ZSWIM5: variants seen among roughly 807,000 people sequenced by gnomAD.
The protein encoded by ZSWIM5 is zinc finger SWIM domain-containing protein 5.
Under a neutral mutation model 119.6 loss-of-function variants are expected in ZSWIM5, and 55 were observed. The ratio of observed to expected loss-of-function variants is 0.46; its 90% CI spans 0.37 to 0.58. ZSWIM5 has a LOEUF of 0.58. Ranked by LOEUF, ZSWIM5 falls within the 20% of genes least tolerant of loss-of-function variation. The probability of loss-of-function intolerance (pLI) is 0.00; values close to 1 mark genes in which losing one functional copy is unlikely to be tolerated. For missense variants in ZSWIM5, 1,193 were observed against 1,512.8 expected (o/e 0.79, Z 3.51); for synonymous variants, 537 against 606.9 (o/e 0.88, Z 1.69).
At chr1:45,020,389 G>A (rs1408695103) in intron 12 of ZSWIM5, among the ~76,000 whole-genome samples, 3 of 152,206 alleles carry the variant, frequency 2.0e-5, no homozygotes, top group Non-Finnish European at 4.4e-5. Context: ...AAATGGGGAG[G>A]TAGAGAGAAG....
intron 2 of ZSWIM5, among the ~76,000 whole-genome samples, 185 bp downstream of exon 2, chr1:45,087,696 G>C (rs1361491026): frequency 6.6e-6 from 1 of 152,168 alleles, no homozygotes; most frequent in African/African-American, 2.4e-5. Flanking sequence ...ACTGTTTTAA[G>C]AAACTTAGAG....
At chr1:45,109,807 T>G (rs986950255) in intron 1 of ZSWIM5, among the ~76,000 whole-genome samples, 5 of 152,030 alleles carry the variant, frequency 3.3e-5, no homozygotes, top group Non-Finnish European at 7.4e-5. Flanking sequence ...TCCCTGAACA[T>G]CTTTTGAATA....
At chr1:45,138,888 CTTTT>C (rs1183370810) in intron 1 of ZSWIM5, among the ~76,000 whole-genome samples, 3 of 148,602 alleles carry the variant, frequency 2.0e-5, no homozygotes, top group Admixed American at 6.7e-5. Context: ...TTTTCTTTTT[CTTTT>C]TCTTTTTTTT....
intron 1 of ZSWIM5, among the ~76,000 whole-genome samples, chr1:45,182,577 A>T (rs1646028231): frequency 6.6e-6 from 1 of 152,186 alleles, no homozygotes; most frequent in South Asian, 2.1e-4. Flanking sequence ...ATGGAAAACA[A>T]AAAAAGGCAG....
rs137912956 is a variant in ZSWIM5, at chr1:45,163,549, C to A, written c.595+42207G>T. Among the ~76,000 whole-genome samples, 1,345 of 152,242 alleles carry A rather than the reference C, an allele frequency of 8.8e-3. 8 individuals are homozygous for A. The highest frequency in any genetic ancestry group is 0.024 in the Middle Eastern group (7 of 294). ...TCCGAGCTAAAGGAGGATGTTCGAA[C>A]CCATCGCAAAGAAGTTGAAAACCTT... On this transcript the variant is annotated intron_variant, in intron 1 of 13. Coordinates refer to ENST00000359600, the MANE Select transcript of ZSWIM5 (RefSeq NM_020883.2).
At chr1:45,065,652 G>A (rs1436396928) in intron 2 of ZSWIM5, among the ~76,000 whole-genome samples, 1 of 152,140 alleles carries the variant, frequency 6.6e-6, no homozygotes, top group Non-Finnish European at 1.5e-5. Flanking sequence ...AAAGTAAATT[G>A]TACAAATGTT....
At chr1:45,152,893 TAAAC>T (rs896660149) in intron 1 of ZSWIM5, among the ~76,000 whole-genome samples, 1 of 151,396 alleles carries the variant, frequency 6.6e-6, no homozygotes, top group Non-Finnish European at 1.5e-5. Context: ...ATAAAGAACT[TAAAC>T]AATTCAACAA....
intron 8 of ZSWIM5, 133 bp from the exon 9 acceptor site, chr1:45,036,432 G>A: frequency 1.6e-6 from 2 of 1,273,804 alleles, no homozygotes; most frequent in Non-Finnish European, 2.1e-6. Context: ...TCAGCTCACT[G>A]CAGCCTCCGC....
chr1:45,018,968 C>G lies in ZSWIM5; in HGVS notation c.3044G>C (p.Arg1015Pro), dbSNP rs765952910. 1 of 1,614,206 alleles carries G rather than the reference C, an allele frequency of 6.2e-7. No individual in the cohort carries two copies. Among genetic ancestry groups the G allele is most frequent in the Non-Finnish European group, 8.5e-7 (1 of 1,180,040 alleles). ...GGCCAATGAGGCCAGCTTGAAGGCA[C>G]GTAGCGGGTAGCCACGGAGCTCCAT... ...RYMELRGYPL[R>P]AFKLASLAMS... Residue 1015 changes from arginine (R) to proline (P), a missense_variant, in exon 14 of 14, where the codon CGT becomes CCT. Arg to Pro is a moderately radical substitution (Grantham distance 103). Transcript: ENST00000359600. The surrounding 1 kb of genome is among the most constrained non-coding windows in gnomAD (Gnocchi z 6.7).
chr1:45,023,830 G>A (rs1228184800), intron 11 of ZSWIM5, among the ~76,000 whole-genome samples: 1 of 152,162 alleles, frequency 6.6e-6, no homozygotes, highest in Admixed American at 6.5e-5. Context: ...ATTCCCACCA[G>A]AAATGAATAA....
intron 1 of ZSWIM5, among the ~76,000 whole-genome samples, chr1:45,131,823 C>T (rs1366398781): frequency 1.3e-5 from 2 of 150,594 alleles, no homozygotes; most frequent in Non-Finnish European, 2.9e-5. Flanking sequence ...TTATGGATGA[C>T]CAAACTGAAG....
intron 1 of ZSWIM5, among the ~76,000 whole-genome samples, chr1:45,186,515 G>C (rs1646059931): frequency 6.6e-6 from 1 of 151,924 alleles, no homozygotes; most frequent in African/African-American, 2.4e-5. Flanking sequence ...ATAGCTTCTA[G>C]AAATTGGAAA....
rs1233052267 is a variant in ZSWIM5, at chr1:45,206,149, A to G, written c.202T>C (p.Cys68Arg). Reference protein sequence around the residue: ...PHLQPDSLLDCAAKTVAEKWA... With the variant: ...PHLQPDSLLDRAAKTVAEKWA... ...TTTTCCGCCACCGTCTTGGCGGCGC[A>G]GTCCAGTAAGGAATCCGGCTGCAGG... The change falls in exon 1 of 14, where the codon TGC (cysteine) becomes CGC (arginine). Residue 68 changes from cysteine to arginine, a missense_variant. Around this residue, in one of 2 missense-constraint regions of ZSWIM5, gnomAD observed 232 missense variants for 222.9 expected, o/e 1.04. Transcript: ENST00000359600. 6 of 1,610,004 alleles carry G rather than the reference A, an allele frequency of 3.7e-6. No individual in the cohort carries two copies. The highest frequency in any genetic ancestry group is 4.2e-6 in the Non-Finnish European group (5 of 1,178,940).
Position 45,018,374 on chromosome 1 carries a change from G to A in ZSWIM5, c.*80C>T, listed in dbSNP as rs1644867661. 3.3e-6 allele frequency: 5 copies of A among 1,537,270 alleles called. No individual in the cohort carries two copies. Among genetic ancestry groups the A allele is most frequent in the Non-Finnish European group, 4.4e-6 (5 of 1,137,748 alleles). ...AGGTGCTCAGAGTTCTCTCAGGGTGGACAAATGTTTCAGTGCCCTTGGCCT... is the reference window on the plus strand; with the variant it reads ...AGGTGCTCAGAGTTCTCTCAGGGTGAACAAATGTTTCAGTGCCCTTGGCCT... On this transcript the variant is annotated 3_prime_UTR_variant, in exon 14 of 14. Coordinates refer to ENST00000359600, the MANE Select transcript of ZSWIM5 (RefSeq NM_020883.2). The surrounding 1 kb of genome is among the most constrained non-coding windows in gnomAD (Gnocchi z 6.7).
intron 1 of ZSWIM5, among the ~76,000 whole-genome samples, chr1:45,179,272 T>G (rs1397057408): frequency 6.6e-6 from 1 of 152,108 alleles, no homozygotes; most frequent in African/African-American, 2.4e-5. Flanking sequence ...CATGGAATAC[T>G]ACACAGCCAT....
intron 1 of ZSWIM5, among the ~76,000 whole-genome samples, chr1:45,091,491 T>TAA (rs35089745): frequency 8.6e-5 from 9 of 104,306 alleles, no homozygotes; most frequent in East Asian, 2.7e-4. Flanking sequence ...ACCCTGTCTC[T>TAA]AAAAAAAAAA....
intron 1 of ZSWIM5, among the ~76,000 whole-genome samples, chr1:45,110,888 T>C (rs1384262872): frequency 3.3e-5 from 5 of 152,166 alleles, no homozygotes; most frequent in Non-Finnish European, 5.9e-5. Flanking sequence ...TCAGGATGAA[T>C]GTAATATTCC....
intron 1 of ZSWIM5, among the ~76,000 whole-genome samples, chr1:45,178,134 A>G (rs567013124): frequency 3.3e-5 from 5 of 152,190 alleles, no homozygotes; most frequent in Admixed American, 6.5e-5. Flanking sequence ...TCTTCAAATT[A>G]GACAAATGGC....
At chr1:45,102,774 G>T (rs1645447387) in intron 1 of ZSWIM5, among the ~76,000 whole-genome samples, 1 of 152,140 alleles carries the variant, frequency 6.6e-6, no homozygotes, top group African/African-American at 2.4e-5. Flanking sequence ...GGTGAGCAAA[G>T]TAACAATAAT....
Sources: gnomAD v4.1 joint callset for allele counts (sites outside exome capture counted in the v4.1 genomes callset) on GRCh38, gnomAD v4.1.1 for gene constraint, gnomAD v4.1.1 regional missense constraint, Gnocchi (gnomAD v3.1) non-coding constraint, MANE v1.5 for transcripts, NCBI Gene and HGNC (gene_info 2026-07-23, HGNC 2026-07-21) for gene names.